GALNT9: variants seen among roughly 807,000 people sequenced by gnomAD.
The protein encoded by GALNT9 is polypeptide N-acetylgalactosaminyltransferase 9, also known as GalNAc transferase 9.
Under a neutral mutation model 63.1 loss-of-function variants are expected in GALNT9, and 47 were observed. The ratio of observed to expected loss-of-function variants is 0.75; its 90% CI spans 0.59 to 0.95. The LOEUF (loss-of-function observed/expected upper bound fraction) is 0.95, where lower values mean the gene tolerates loss of function less well. GALNT9 is among the 40% of genes least tolerant of loss of function. The probability of loss-of-function intolerance (pLI) is 0.00; values close to 1 mark genes in which losing one functional copy is unlikely to be tolerated. For synonymous variants in GALNT9, 396 were observed against 365.7 expected (o/e 1.08, Z -0.94); for missense variants, 829 against 874.8 (o/e 0.95, Z 0.66).
At chr12:132,284,093 ACG>A (rs1242325793) in intron 2 of GALNT9, 10 of 150,362 alleles carry the variant, frequency 6.7e-5, no homozygotes, top group African/African-American at 2.5e-4. Flanking sequence ...ATGCACACAC[ACG>A]CATGTACACA....
At chr12:132,201,391 G>T in intron 7 of GALNT9, 130 bp from the exon 8 acceptor site, 1 of 563,332 alleles carries the variant, frequency 1.8e-6, no homozygotes, top group Non-Finnish European at 3.1e-6. Context: ...GTATTCAGAT[G>T]CTGAGGCCCC....
At chr12:132,250,138 G>A (rs1878852647) in intron 5 of GALNT9, among the ~76,000 whole-genome samples, 1 of 152,238 alleles carries the variant, frequency 6.6e-6, no homozygotes, top group South Asian at 2.1e-4. Context: ...CACAGCCTGC[G>A]ACGTGGAGGA....
At chr12:132,240,271 C>G (rs2136897982) in intron 6 of GALNT9, among the ~76,000 whole-genome samples, 19 of 152,246 alleles carry the variant, frequency 1.2e-4, no homozygotes, top group Admixed American at 5.9e-4. Flanking sequence ...GCGCCGCCAT[C>G]GGGCTGGGGG....
In GALNT9 at chr12:132,295,927, C is replaced by T. The variant is rs1306170741; in HGVS notation, c.239-9497G>A. Among the ~76,000 whole-genome samples the T allele has an allele frequency of 2.0e-5, 3 of 148,744 alleles. 1 individual carries two copies. Among genetic ancestry groups the T allele is most frequent in the African/African-American group, 7.5e-5 (3 of 40,090 alleles). On this transcript the variant is annotated intron_variant, in intron 1 of 10. Transcript: ENST00000328957. ...GGGAGAGCCTCCGAACAGGGACGGCCTCCGAACAGGGACGGCCTCCGAACA... is the reference window on the plus strand; with the variant it reads ...GGGAGAGCCTCCGAACAGGGACGGCTTCCGAACAGGGACGGCCTCCGAACA...
chr12:132,215,855 G>A (rs542429201), intron 6 of GALNT9, among the ~76,000 whole-genome samples: 2 of 152,226 alleles, frequency 1.3e-5, no homozygotes, highest in East Asian at 3.9e-4. Flanking sequence ...CTCACAGCAG[G>A]GGATGGAGAG....
At chr12:132,323,717 T>A (rs150234643) in intron 1 of GALNT9, among the ~76,000 whole-genome samples, 16 of 152,364 alleles carry the variant, frequency 1.1e-4, no homozygotes, top group African/African-American at 3.6e-4. Flanking sequence ...AGCCTCATCG[T>A]CGGAGTCAGA....
At chr12:132,275,018 T>C (rs1880026537) in intron 2 of GALNT9, 2 of 152,348 alleles carry the variant, frequency 1.3e-5, no homozygotes, top group South Asian at 2.1e-4. Flanking sequence ...AACTCACTTC[T>C]AAGCCATGTA....
intron 1 of GALNT9, among the ~76,000 whole-genome samples, chr12:132,299,570 C>G (rs572593534): frequency 7.4e-6 from 1 of 134,244 alleles, no homozygotes; most frequent in East Asian, 2.6e-4. Context: ...GCTGAGATAA[C>G]CCACTCCCAT....
intron 6 of GALNT9, among the ~76,000 whole-genome samples, chr12:132,229,375 G>A (rs1228895005): frequency 2.0e-5 from 3 of 152,256 alleles, no homozygotes; most frequent in African/African-American, 7.2e-5. Flanking sequence ...CAGCACCTGA[G>A]CTCACTCAGG....
At chr12:132,314,486 C>A (rs1266137546) in intron 1 of GALNT9, among the ~76,000 whole-genome samples, 4 of 152,096 alleles carry the variant, frequency 2.6e-5, no homozygotes, top group Admixed American at 2.6e-4. Flanking sequence ...ATGAGGAAAC[C>A]AAGGCTCAGA....
Position 132,329,440 on chromosome 12 carries a change from C to T in GALNT9, c.-237G>A, listed in dbSNP as rs1273955557. On this transcript the variant is annotated 5_prime_UTR_variant, in exon 1 of 11. Coordinates refer to ENST00000328957, the MANE Select transcript of GALNT9 (RefSeq NM_001122636.2). ...GTCGCGGGGCGCGGCCGGCATCCCC[C>T]GCTCAGAGGGCGCGGCCCCGCCCCG... The T allele has an allele frequency of 6.2e-6, 2 of 321,880 alleles. No individual in the cohort carries two copies. Among genetic ancestry groups the T allele is most frequent in the Non-Finnish European group, 9.9e-6 (2 of 201,920 alleles). 19.9% of individuals were successfully genotyped at this position (321,880 alleles called of 1,614,324 possible).
At position 132,197,103 on chromosome 12, in the gene GALNT9, G is replaced by T. The variant is rs377093429; in HGVS notation, c.*4C>A. On this transcript the variant is annotated 3_prime_UTR_variant, in exon 11 of 11. Coordinates refer to ENST00000328957, the MANE Select transcript of GALNT9 (RefSeq NM_001122636.2). Reference sequence around the variant, plus strand: ...GGTCTGTGGGGGTCCGGGCGGAGGTGGGGTCAGTGCCGTGCGTGTTTGATC... The same window carrying T: ...GGTCTGTGGGGGTCCGGGCGGAGGTTGGGTCAGTGCCGTGCGTGTTTGATC... The T allele has an allele frequency of 8.1e-6, 13 of 1,613,690 alleles. No homozygotes were observed. The highest frequency in any genetic ancestry group is 1.1e-5 in the Non-Finnish European group (13 of 1,179,796).
chr12:132,217,340 T>C (rs1050539913), intron 6 of GALNT9, among the ~76,000 whole-genome samples: 3 of 143,200 alleles, frequency 2.1e-5, no homozygotes, highest in African/African-American at 7.9e-5. Flanking sequence ...CACCCACTCA[T>C]CCATCCATTC....
chr12:132,243,323 A>T (rs1878531189), intron 6 of GALNT9, among the ~76,000 whole-genome samples: 2 of 126,416 alleles, frequency 1.6e-5, no homozygotes, highest in Non-Finnish European at 3.4e-5. Flanking sequence ...CACACACACC[A>T]CACACCCTTC....
intron 2 of GALNT9, among the ~76,000 whole-genome samples, chr12:132,284,896 G>A (rs569984053): frequency 3.9e-5 from 6 of 152,324 alleles, no homozygotes; most frequent in Admixed American, 2.0e-4. Flanking sequence ...TGGACCCTGC[G>A]GGCCTGTCCA....
At chr12:132,256,501 C>A (rs1039759374) in intron 5 of GALNT9, among the ~76,000 whole-genome samples, 6 of 149,876 alleles carry the variant, frequency 4.0e-5, no homozygotes, top group Non-Finnish European at 7.4e-5. Flanking sequence ...TTTGCATGTA[C>A]GCATGTCTCA....
intron 6 of GALNT9, among the ~76,000 whole-genome samples, chr12:132,217,271 A>C (rs1877242414): frequency 7.7e-6 from 1 of 130,494 alleles, no homozygotes; most frequent in African/African-American, 3.0e-5. Context: ...CCATTCACTC[A>C]TCCATCTATC....
At chr12:132,288,764 C>T (rs1340863023) in intron 1 of GALNT9, among the ~76,000 whole-genome samples, 4 of 147,350 alleles carry the variant, frequency 2.7e-5, no homozygotes, top group Admixed American at 2.7e-4. Context: ...GGTGGCTGAG[C>T]GTGGTTCTGG....
At chr12:132,230,846 C>T (rs1318982749) in intron 6 of GALNT9, among the ~76,000 whole-genome samples, 1 of 152,224 alleles carries the variant, frequency 6.6e-6, no homozygotes, top group Non-Finnish European at 1.5e-5. Context: ...GAGCTCATTA[C>T]AGGCAGACCA....
Sources: allele counts gnomAD v4.1 joint callset (sites outside exome capture counted in the v4.1 genomes callset), GRCh38; gene constraint gnomAD v4.1.1; transcripts MANE v1.5; gene names NCBI Gene and HGNC (gene_info 2026-07-23, HGNC 2026-07-21).